GMIP: variants seen among roughly 807,000 people sequenced by gnomAD.
The protein encoded by GMIP is GEM-interacting protein.
A neutral mutation model predicts 105.3 loss-of-function variants in GMIP; 54 were observed. That is an observed-to-expected ratio of 0.51 (90% CI 0.41 to 0.64). GMIP has a LOEUF of 0.64. GMIP is among the 30% of genes least tolerant of loss of function. The pLI is 0.00. For missense variants in GMIP, 1,110 were observed against 1,319.4 expected (o/e 0.84, Z 2.46); for synonymous variants, 541 against 560.8 (o/e 0.96, Z 0.50).
At chr19:19,633,032 C>T (rs1293164627) in intron 19 of GMIP, among the ~76,000 whole-genome samples, 2 of 151,790 alleles carry the variant, frequency 1.3e-5, no homozygotes, top group Admixed American at 6.6e-5. Flanking sequence ...CACCGTGCTG[C>T]TCCCTGGTGT....
chr19:19,634,786 A>G lies in GMIP; in HGVS notation c.1887+6T>C, dbSNP rs1035494015. On this transcript the variant is annotated splice_donor_region_variant and intron_variant, in intron 17 of 20. Transcript: ENST00000203556. This position sits in a 1 kb window ranked among gnomAD's most constrained non-coding sequence, Gnocchi z 6.1. Reference sequence around the variant, plus strand: ...CCGCGTCCCCCTCAGTGTCCTGAGCACCAACCTCCTGAAGAAATCGCTTGA... The same window carrying G: ...CCGCGTCCCCCTCAGTGTCCTGAGCGCCAACCTCCTGAAGAAATCGCTTGA... 1.9e-6 allele frequency: 3 copies of G among 1,613,598 alleles called. No individual in the cohort carries two copies. Among genetic ancestry groups the G allele is most frequent in the African/African-American group, 1.3e-5 (1 of 74,908 alleles).
rs2061830952 is a variant in GMIP at position 19,634,584 on chromosome 19, G to C, written c.2007C>G (p.Arg669=). 1.2e-6 allele frequency: 2 copies of C among 1,613,644 alleles called. No individual in the cohort carries two copies. The highest frequency in any genetic ancestry group is 2.7e-5 in the African/African-American group (2 of 75,012). Residue 669 remains arginine (R), a synonymous_variant, in exon 18 of 21, where the codon CGC becomes CGG. Transcript: ENST00000203556. This position sits in a 1 kb window ranked among gnomAD's most constrained non-coding sequence, Gnocchi z 6.1. ...GTPSPSPEVI[R]SLKTLLVQLP... The stretch of plus-strand genomic sequence containing the variant: ...GCTGTACCAAGAGGGTCTTCAGCGA[G>C]CGGATAACCTCAGGGCTGGGGCTGG...
Position 19,638,331 on chromosome 19 carries a change from TG to T in GMIP, c.619-3del, listed in dbSNP as rs200345588. 24,051 of 1,614,042 alleles carry T rather than the reference TG, an allele frequency of 0.015. 684 individuals carry two copies. The highest frequency in any genetic ancestry group is 0.081 in the Admixed American group (4,884 of 60,020). On this transcript the variant is annotated splice_region_variant and splice_polypyrimidine_tract_variant and intron_variant, in intron 8 of 20. Transcript: ENST00000203556. ...CCGCAGTGCCTGCACCGCCTCATTC[TG>T]GGGGATGATGAGAAGGTCAGCGTCC...
rs146115077 is a variant in GMIP at position 19,635,456 on chromosome 19, C to T, written c.1519G>A (p.Glu507Lys). Reference sequence around the variant, plus strand: ...CCGCTGACCATGAAGGCTTCGCACTCGCGGCACTTGGCTGGGCCCCGCAGT... The same window carrying T: ...CCGCTGACCATGAAGGCTTCGCACTTGCGGCACTTGGCTGGGCCCCGCAGT... ...RRLRGPAKCR[E>K]CEAFMVSGTE... is the part of the protein sequence containing the mutation. The change falls in exon 15 of 21, where the codon GAG (glutamate) becomes AAG (lysine). Residue 507 changes from glutamate (E) to lysine (K), a missense_variant. Transcript: ENST00000203556. The surrounding 1 kb of genome is among the most constrained non-coding windows in gnomAD (Gnocchi z 4.7). 9 of 1,609,904 alleles carry T rather than the reference C, an allele frequency of 5.6e-6. No individual in the cohort carries two copies. Among genetic ancestry groups the T allele is most frequent in the Non-Finnish European group, 1.7e-6 (2 of 1,179,994 alleles).
Position 19,636,975 on chromosome 19 carries a change from A to T in GMIP, c.1179T>A (p.Asp393Glu). 1 of 1,585,504 alleles carries T rather than the reference A, an allele frequency of 6.3e-7. No individual in the cohort carries two copies. The highest frequency in any genetic ancestry group is 8.6e-7 in the Non-Finnish European group (1 of 1,165,070). ...AAGGGCCTGGCTCAGCTGAATTCTC[A>T]TCCAGCCTTGGAGGAAGAGGCCCAG... ...KLSGPLPPRLDENSAEPGPWE... is the reference protein window; with the variant it reads ...KLSGPLPPRLEENSAEPGPWE... Residue 393 changes from aspartate (D) to glutamate (E), a missense_variant, in exon 12 of 21, where the codon GAT (aspartate) becomes GAA (glutamate). By Grantham distance (45) the Asp-to-Glu change is conservative. Transcript: ENST00000203556.
Position 19,630,031 on chromosome 19 carries a change from T to G in GMIP, c.2845A>C (p.Ser949Arg). 8.1e-6 allele frequency: 13 copies of G among 1,608,900 alleles called. No homozygotes were observed. Among genetic ancestry groups the G allele is most frequent in the Non-Finnish European group, 1.0e-5 (12 of 1,177,948 alleles). Reference sequence around the variant, plus strand: ...CAGGTGGCCCTGGGCACAGCCTCGCTGTCCAATTTCGAGAGTAGCCGGGCT... The same window carrying G: ...CAGGTGGCCCTGGGCACAGCCTCGCGGTCCAATTTCGAGAGTAGCCGGGCT... ...ETARLLSKLD[S>R]EAVPRATCCP... is the part of the protein sequence containing the mutation. The change falls in exon 21 of 21, where the codon AGC becomes CGC. Residue 949 changes from serine (S) to arginine (R), a missense_variant. By Grantham distance (110) the Ser-to-Arg change is moderately radical. Coordinates refer to ENST00000203556, the MANE Select transcript of GMIP (RefSeq NM_016573.4). This position sits in a 1 kb window ranked among gnomAD's most constrained non-coding sequence, Gnocchi z 4.8.
rs75945347 is a variant in GMIP at position 19,631,628 on chromosome 19, G to A, written c.2473-1091C>T. ...GACTGTTCTAGCAATCCGGAGCAGCGGGTGCTGCTATCTTCCTGGTTCACA... is the reference window on the plus strand; with the variant it reads ...GACTGTTCTAGCAATCCGGAGCAGCAGGTGCTGCTATCTTCCTGGTTCACA... On this transcript the variant is annotated intron_variant, in intron 19 of 20. Coordinates refer to ENST00000203556, the MANE Select transcript of GMIP (RefSeq NM_016573.4). Among the ~76,000 whole-genome samples the A allele has an allele frequency of 2.3e-3, 354 of 152,294 alleles. 2 individuals are homozygous for A. Among genetic ancestry groups the A allele is most frequent in the African/African-American group, 8.0e-3 (333 of 41,558 alleles).
In GMIP at chr19:19,637,142, C is replaced by T. The variant is rs2061863506; in HGVS notation, c.1125-113G>A. 1.4e-6 allele frequency: 1 copy of T among 727,778 alleles called. No individual in the cohort carries two copies. The highest frequency in any genetic ancestry group is 2.5e-5 in the Admixed American group (1 of 39,282). 45.1% of individuals were successfully genotyped at this position (727,778 alleles called of 1,614,324 possible). Reference sequence around the variant, plus strand: ...AAGCACTTGGGTCTGCAAACCCTGACACCCAGGGCATTGTGGCCCCTGAAA... The same window carrying T: ...AAGCACTTGGGTCTGCAAACCCTGATACCCAGGGCATTGTGGCCCCTGAAA... On this transcript the variant is annotated intron_variant, in intron 11 of 20. Coordinates refer to ENST00000203556, the MANE Select transcript of GMIP (RefSeq NM_016573.4). The surrounding 1 kb of genome is among the most constrained non-coding windows in gnomAD (Gnocchi z 6.7).
Position 19,629,964 on chromosome 19 carries a change from C to A in GMIP, c.2912G>T (p.Ter971LeuextTer7). The A allele has an allele frequency of 1.2e-6, 2 of 1,607,582 alleles. No homozygotes were observed. The highest frequency in any genetic ancestry group is 1.1e-5 in the South Asian group (1 of 89,624). ...TCCTTATTTAAGGTGCCAGGGTGGT[C>A]AGAGATGGTCCTCGGCTTCCTCAGG... ...VQPEEAEDHL[*>L] is the part of the protein sequence containing the mutation. Residue 971 changes from the stop codon to leucine, a stop_lost, in exon 21 of 21, where the codon TGA (stop) becomes TTA (leucine). Coordinates refer to ENST00000203556, the MANE Select transcript of GMIP (RefSeq NM_016573.4).
Position 19,634,285 on chromosome 19 carries a change from T to C in GMIP, c.2085-95A>G. On this transcript the variant is annotated intron_variant, in intron 18 of 20. Coordinates refer to ENST00000203556, the MANE Select transcript of GMIP (RefSeq NM_016573.4). The surrounding 1 kb of genome is among the most constrained non-coding windows in gnomAD (Gnocchi z 6.1). ...ACACGCAGGCCAGCCTAGAGGTGAC[T>C]TGCCCATGTCACAGGTGTAAGTCGT... is the stretch of plus-strand genomic sequence containing the variant. 7.5e-7 allele frequency: 1 copy of C among 1,332,610 alleles called. No homozygotes were observed. Among genetic ancestry groups the C allele is most frequent in the African/African-American group, 1.5e-5 (1 of 68,150 alleles). The allele number at this position is 1,332,610 out of a possible 1,614,324, so 82.5% of individuals were successfully genotyped here. A position where few individuals can be genotyped will look rare whatever the true frequency, so the allele number is the denominator to read the frequency against.
At position 19,630,083 on chromosome 19, in the gene GMIP, G is replaced by C; in HGVS notation, c.2793C>G (p.Pro931=). The C allele has an allele frequency of 6.2e-7, 1 of 1,610,774 alleles. No homozygotes were observed. The highest frequency in any genetic ancestry group is 1.1e-5 in the South Asian group (1 of 90,598). ...EGSPLRRTPL[P]KHFEITQETA... The stretch of plus-strand genomic sequence containing the variant: ...TCTCCTGGGTAATCTCAAAATGCTT[G>C]GGCAGCGGGGTGCGGCGCAGGGGGC... Residue 931 remains proline, a synonymous_variant, in exon 21 of 21, where the codon CCC becomes CCG. Transcript: ENST00000203556. The surrounding 1 kb of genome is among the most constrained non-coding windows in gnomAD (Gnocchi z 4.8).
At position 19,641,801 on chromosome 19, in the gene GMIP, C is replaced by A. The variant is rs760494813; in HGVS notation, c.238+9G>T. On this transcript the variant is annotated intron_variant, in intron 4 of 20. Transcript: ENST00000203556. ...TGTCCCCACTGTCCTGGCCTCCAGA[C>A]CCCCCTACCTGTGAGGGGTACAGGA... is the stretch of plus-strand genomic sequence containing the variant. The A allele has an allele frequency of 3.7e-6, 6 of 1,600,860 alleles. No individual in the cohort carries two copies. Among genetic ancestry groups the A allele is most frequent in the Admixed American group, 1.7e-5 (1 of 59,660 alleles).
intron 19 of GMIP, among the ~76,000 whole-genome samples, chr19:19,632,011 C>T (rs1203391640): frequency 1.3e-5 from 2 of 151,454 alleles, no homozygotes; most frequent in Non-Finnish European, 2.9e-5. Flanking sequence ...AGATTCTAGG[C>T]CGGGTGCAGT....
chr19:19,643,634 C>T lies in GMIP; in HGVS notation c.-105G>A, dbSNP rs942896467. 2.0e-6 allele frequency: 2 copies of T among 1,020,580 alleles called. No homozygotes were observed. Among genetic ancestry groups the T allele is most frequent in the African/African-American group, 3.4e-5 (2 of 59,552 alleles). 63.2% of individuals were successfully genotyped at this position (1,020,580 alleles called of 1,614,324 possible). On this transcript the variant is annotated 5_prime_UTR_variant, in exon 1 of 21. Transcript: ENST00000203556. ...GCCGCCGCAGCCGCCGCCGCCGCCT[C>T]GGTTCCGCGTCGCCCTGCCCAGCGG...
chr19:19,632,250 C>T (rs140296128), intron 19 of GMIP, among the ~76,000 whole-genome samples: 5 of 151,838 alleles, frequency 3.3e-5, no homozygotes, highest in Admixed American at 6.6e-5. Context: ...ACAGAGATCA[C>T]GCCATCGCAC....
chr19:19,636,677 G>C, intron 13 of GMIP, 30 bp downstream of exon 13: 3 of 1,502,316 alleles, frequency 2.0e-6, no homozygotes, highest in Non-Finnish European at 1.9e-6. Flanking sequence ...CACAGGTGGA[G>C]TGTGGGTCAG....
Position 19,635,078 on chromosome 19 carries a change from A to C in GMIP, c.1696T>G (p.Phe566Val), listed in dbSNP as rs2061839301. ...LPRDFPEEVP[F>V]VVTKCTAEIE... The stretch of plus-strand genomic sequence containing the variant: ...TCAGCCGTGCACTTCGTGACCACAA[A>C]GGGTACCTCCTCCGGGAAGTCCCTG... The change falls in exon 16 of 21, where the codon TTT becomes GTT. Residue 566 changes from phenylalanine to valine, a missense_variant. Around this residue, in one of 3 missense-constraint regions of GMIP, gnomAD observed 667 missense variants for 773.2 expected, o/e 0.86. Coordinates refer to ENST00000203556, the MANE Select transcript of GMIP (RefSeq NM_016573.4). This position sits in a 1 kb window ranked among gnomAD's most constrained non-coding sequence, Gnocchi z 4.7. 1 of 1,614,066 alleles carries C rather than the reference A, an allele frequency of 6.2e-7. No homozygotes were observed. Among genetic ancestry groups the C allele is most frequent in the Non-Finnish European group, 8.5e-7 (1 of 1,180,022 alleles).
At chr19:19,640,932 A>T (rs2061912604) in intron 4 of GMIP, among the ~76,000 whole-genome samples, 1 of 148,078 alleles carries the variant, frequency 6.8e-6, no homozygotes, top group Non-Finnish European at 1.5e-5. Context: ...TGCCCGGCTA[A>T]TTTTTTGTAT....
Position 19,634,946 on chromosome 19 carries a change from A to G in GMIP, c.1750-17T>C. Reference sequence around the variant, plus strand: ...GTAAATGCCCTGCAGGGTGAGGGTGAAAAACAGACACCTGGTTCGTGATAG... The same window carrying G: ...GTAAATGCCCTGCAGGGTGAGGGTGGAAAACAGACACCTGGTTCGTGATAG... On this transcript the variant is annotated splice_polypyrimidine_tract_variant and intron_variant, in intron 16 of 20. Coordinates refer to ENST00000203556, the MANE Select transcript of GMIP (RefSeq NM_016573.4). This position sits in a 1 kb window ranked among gnomAD's most constrained non-coding sequence, Gnocchi z 6.1. The G allele has an allele frequency of 1.2e-6, 2 of 1,613,800 alleles. No individual in the cohort carries two copies. The highest frequency in any genetic ancestry group is 1.7e-6 in the Non-Finnish European group (2 of 1,179,900).
Sources: allele counts gnomAD v4.1 joint callset (sites outside exome capture counted in the v4.1 genomes callset), GRCh38; gene constraint gnomAD v4.1.1; regional missense constraint gnomAD v4.1.1; non-coding constraint Gnocchi (gnomAD v3.1); transcripts MANE v1.5; gene names NCBI Gene and HGNC (gene_info 2026-07-23, HGNC 2026-07-21).